Variants in LRRC37A2 observed in about 807,000 individuals in gnomAD.
LRRC37A2 encodes the protein leucine-rich repeat-containing protein 37A2.
LRRC37A2 carries 9 observed loss-of-function variants against 68.8 expected under a neutral mutation model. The observed-to-expected ratio is 0.13, with a 90% CI of 0.08 to 0.23. The LOEUF (loss-of-function observed/expected upper bound fraction) is 0.23. Ranked by LOEUF, LRRC37A2 falls within the 10% of genes least tolerant of loss-of-function variation. The pLI is 1.00. For synonymous variants in LRRC37A2, 63 were observed against 367.6 expected (o/e 0.17, Z 9.48); for missense variants, 168 against 950.4 (o/e 0.18, Z 10.82).
the LRRC37A2 span, among the ~76,000 whole-genome samples, chr17:46,783,551 G>A: frequency 6.6e-6 from 1 of 152,208 alleles, no homozygotes; most frequent in South Asian, 2.1e-4. Flanking sequence ...CTAGGTCTGG[G>A]CACTGTGGGT....
the LRRC37A2 span, among the ~76,000 whole-genome samples, chr17:46,967,676 A>G: frequency 6.6e-6 from 1 of 152,138 alleles, no homozygotes; most frequent in Non-Finnish European, 1.5e-5. Flanking sequence ...AGGGTTTAGG[A>G]CAGCCCCTAG....
At chr17:46,736,494 C>G in the LRRC37A2 span, among the ~76,000 whole-genome samples, 1 of 152,238 alleles carries the variant, frequency 6.6e-6, no homozygotes, top group African/African-American at 2.4e-5. Context: ...GGCCCTCCCT[C>G]TACTCCTTAC....
At chr17:46,773,854 C>T in the LRRC37A2 span, 30 of 1,612,922 alleles carry the variant, frequency 1.9e-5, no homozygotes, top group Non-Finnish European at 2.5e-5. Context: ...GGGATGGAGC[C>T]GCAGAGCAGG....
At chr17:46,714,673 A>G in the LRRC37A2 span, among the ~76,000 whole-genome samples, 1 of 152,204 alleles carries the variant, frequency 6.6e-6, no homozygotes, top group Non-Finnish European at 1.5e-5. Flanking sequence ...AAGACTTTAA[A>G]TGGCTGTTCC....
the LRRC37A2 span, among the ~76,000 whole-genome samples, chr17:46,502,977 C>T: frequency 5.3e-5 from 8 of 150,772 alleles, no homozygotes; most frequent in East Asian, 1.6e-3. Flanking sequence ...CTTTGGGAGG[C>T]TGAGGTGGGT....
At chr17:47,002,318 C>T in the LRRC37A2 span, among the ~76,000 whole-genome samples, 1 of 152,040 alleles carries the variant, frequency 6.6e-6, no homozygotes, top group African/African-American at 2.4e-5. Flanking sequence ...GTGGGGTATC[C>T]AGCCCCTCAA....
chr17:46,782,632 G>A, the LRRC37A2 span, among the ~76,000 whole-genome samples: 2 of 152,244 alleles, frequency 1.3e-5, no homozygotes, highest in Admixed American at 1.3e-4. Flanking sequence ...AGGAAGCCTA[G>A]CCAGTTCAGG....
At chr17:46,819,750 C>A in the LRRC37A2 span, among the ~76,000 whole-genome samples, 1 of 152,250 alleles carries the variant, frequency 6.6e-6, no homozygotes, top group Admixed American at 6.5e-5. This position sits in a 1 kb window ranked among gnomAD's most constrained non-coding sequence, Gnocchi z 5.3. Context: ...CCCACCCCTC[C>A]CCACAGGAAA....
At chr17:46,801,553 G>A in the LRRC37A2 span, among the ~76,000 whole-genome samples, 1 of 152,178 alleles carries the variant, frequency 6.6e-6, no homozygotes, top group Non-Finnish European at 1.5e-5. Context: ...CTGGGAGGCG[G>A]AGGCTGCAGT....
chr17:46,440,312 C>T, the LRRC37A2 span, among the ~76,000 whole-genome samples: 1 of 65,516 alleles, frequency 1.5e-5, no homozygotes, highest in East Asian at 2.4e-4. Flanking sequence ...AGCCTAGCCT[C>T]CTCCTGTTGA....
the LRRC37A2 span, among the ~76,000 whole-genome samples, chr17:46,731,626 G>A: frequency 6.6e-6 from 1 of 152,056 alleles, no homozygotes; most frequent in Non-Finnish European, 1.5e-5. Context: ...AAGAGGAATT[G>A]GATCATTTAA....
chr17:46,626,028 C>T, the LRRC37A2 span, among the ~76,000 whole-genome samples: 4 of 147,280 alleles, frequency 2.7e-5, no homozygotes, highest in African/African-American at 5.2e-5. Context: ...AATTTCTGAA[C>T]AGGGAATTAG....
chr17:46,782,918 G>A, the LRRC37A2 span, among the ~76,000 whole-genome samples: 1 of 152,212 alleles, frequency 6.6e-6, no homozygotes, highest in African/African-American at 2.4e-5. Context: ...CAGGGCCAAG[G>A]GTAGGGGGTT....
At chr17:47,019,822 T>C in the LRRC37A2 span, 28,445 of 1,337,406 alleles carry the variant, frequency 0.021, 461 homozygotes, top group Middle Eastern at 0.083. Flanking sequence ...CTTTCCTCAA[T>C]TGCCCTCTGT....
intron 8 of LRRC37A2, among the ~76,000 whole-genome samples, chr17:46,543,298 T>G (rs948281425): frequency 2.2e-4 from 33 of 150,472 alleles, no homozygotes; most frequent in Non-Finnish European, 4.1e-4. Flanking sequence ...TTCATGTGTA[T>G]TGAAAAATTA....
At chr17:46,807,681 G>A in the LRRC37A2 span, among the ~76,000 whole-genome samples, 1 of 152,192 alleles carries the variant, frequency 6.6e-6, no homozygotes, top group African/African-American at 2.4e-5. Flanking sequence ...TCTTTATTGA[G>A]GATCCATTAT....
chr17:46,842,653 A>G, the LRRC37A2 span, among the ~76,000 whole-genome samples: 3 of 152,206 alleles, frequency 2.0e-5, no homozygotes, highest in Non-Finnish European at 4.4e-5. Flanking sequence ...GATTACAGGC[A>G]TGAGCCACCG....
At chr17:46,636,862 C>CT in the LRRC37A2 span, among the ~76,000 whole-genome samples, 5 of 145,738 alleles carry the variant, frequency 3.4e-5, no homozygotes, top group South Asian at 4.4e-4. Context: ...TTCTTTCTTT[C>CT]TTTTTTTTTG....
the LRRC37A2 span, among the ~76,000 whole-genome samples, chr17:46,999,140 C>T: frequency 4.6e-5 from 7 of 152,188 alleles, no homozygotes; most frequent in African/African-American, 7.2e-5. Context: ...AGGACACTTC[C>T]GTTTAATTAG....
Sources: allele counts gnomAD v4.1 joint callset (sites outside exome capture counted in the v4.1 genomes callset), GRCh38; gene constraint gnomAD v4.1.1; non-coding constraint Gnocchi (gnomAD v3.1); transcripts MANE v1.5; gene names NCBI Gene and HGNC (gene_info 2026-07-23, HGNC 2026-07-21).